UBE3C: variants seen among roughly 807,000 people sequenced by gnomAD.
The protein encoded by UBE3C is ubiquitin-protein ligase E3C.
Under a neutral mutation model 129.4 loss-of-function variants are expected in UBE3C, and 42 were observed. The observed-to-expected ratio is 0.32, with a 90% CI of 0.25 to 0.42. The LOEUF is 0.42. UBE3C is among the 10% of genes least tolerant of loss of function. UBE3C has a pLI of 1.00. For synonymous variants in UBE3C, 510 were observed against 492.4 expected, an observed-to-expected ratio of 1.04 and a Z score of -0.47; for missense variants, 1,049 against 1,319.1, an observed-to-expected ratio of 0.80 and a Z score of 3.17.
At chr7:157,256,394 G>T (rs141891444) in intron 21 of UBE3C, among the ~76,000 whole-genome samples, 3,178 of 151,994 alleles carry the variant, frequency 0.021, 134 homozygotes, top group African/African-American at 0.073. Context: ...CCGCCAGCCC[G>T]GGCCTCCCAA....
intron 13 of UBE3C, among the ~76,000 whole-genome samples, chr7:157,212,166 C>T (rs1479199164): frequency 6.6e-6 from 1 of 151,824 alleles, no homozygotes; most frequent in Non-Finnish European, 1.5e-5. Flanking sequence ...TTTTAAAGAA[C>T]TAACTCATCT....
intron 22 of UBE3C, among the ~76,000 whole-genome samples, chr7:157,261,596 A>G (rs1053665256): frequency 3.3e-5 from 5 of 152,208 alleles, no homozygotes; most frequent in African/African-American, 1.2e-4. Context: ...GTATGCCTGG[A>G]TTTGCCAGGG....
At chr7:157,223,225 A>T (rs1392612807) in intron 15 of UBE3C, 29 bp from the exon 16 acceptor site, 2 of 1,607,404 alleles carry the variant, frequency 1.2e-6, no homozygotes, top group Non-Finnish European at 8.5e-7. Context: ...GTACAAGTGA[A>T]CTAATTAAGG....
chr7:157,201,398 G>A (rs963847076), intron 10 of UBE3C, among the ~76,000 whole-genome samples: 5 of 150,538 alleles, frequency 3.3e-5, no homozygotes, highest in Non-Finnish European at 7.4e-5. Context: ...AATACGATAT[G>A]TAGCAGAGGG....
At chr7:157,257,102 G>T in intron 22 of UBE3C, 58 bp downstream of exon 22, 1 of 1,605,080 alleles carries the variant, frequency 6.2e-7, no homozygotes, top group South Asian at 1.1e-5. Context: ...AAAGGCAGCA[G>T]AACATTCAGT....
At chr7:157,248,655 G>A in intron 19 of UBE3C, 75 bp downstream of exon 19, 1 of 1,489,446 alleles carries the variant, frequency 6.7e-7, no homozygotes, top group East Asian at 2.3e-5. Context: ...AAGTCCATTT[G>A]TGTTACAGCG....
At chr7:157,146,221 T>A (rs960655804) in intron 1 of UBE3C, among the ~76,000 whole-genome samples, 1 of 152,204 alleles carries the variant, frequency 6.6e-6, no homozygotes, top group Non-Finnish European at 1.5e-5. Flanking sequence ...CAAAGATCAG[T>A]TGGCTATATT....
intron 1 of UBE3C, among the ~76,000 whole-genome samples, chr7:157,146,043 T>G (rs920754120): frequency 2.0e-5 from 3 of 152,226 alleles, no homozygotes; most frequent in Non-Finnish European, 4.4e-5. Context: ...TAATTTTGTA[T>G]TTTACATTTA....
chr7:157,175,158 T>TTTTTTAGG (rs1586663618), intron 5 of UBE3C, 124 bp downstream of exon 5: 1 of 591,814 alleles, frequency 1.7e-6, no homozygotes, highest in Admixed American at 4.1e-5. Context: ...TTTTTTTTTT[T>TTTTTTAGG]GAGGTCATGG....
In UBE3C at chr7:157,267,400, C is replaced by T. The variant is rs186021994; in HGVS notation, c.3082-185C>T. Among the ~76,000 whole-genome samples the T allele has an allele frequency of 2.1e-3, 315 of 152,222 alleles. 1 individual carries two copies. The highest frequency in any genetic ancestry group is 3.5e-3 in the Admixed American group (54 of 15,276). ...TGGCGCCATTGCCCTCCAGCCTGGGCGACAGAGCTAGACTCCATCTCAAAG... is the reference window on the plus strand; with the variant it reads ...TGGCGCCATTGCCCTCCAGCCTGGGTGACAGAGCTAGACTCCATCTCAAAG... On this transcript the variant is annotated intron_variant, in intron 22 of 22. Coordinates refer to ENST00000348165, the MANE Select transcript of UBE3C (RefSeq NM_014671.3).
chr7:157,259,938 A>G (rs967252933), intron 22 of UBE3C, among the ~76,000 whole-genome samples: 2 of 152,222 alleles, frequency 1.3e-5, no homozygotes, highest in African/African-American at 2.4e-5. Context: ...GTTGGGACCC[A>G]GTAGAGAGGT....
chr7:157,235,994 G>A (rs1796143113), intron 18 of UBE3C, among the ~76,000 whole-genome samples: 2 of 152,196 alleles, frequency 1.3e-5, no homozygotes, highest in South Asian at 4.1e-4. Flanking sequence ...GGGTCATAAT[G>A]TATTTAAATT....
rs1335419975 is a variant in UBE3C, at chr7:157,183,748, C to T, written c.992-130C>T. Reference sequence around the variant, plus strand: ...TCTAAATATGTTTCCTATTATAACACAGTTAGAATTTTAAAAATAAGATCT... The same window carrying T: ...TCTAAATATGTTTCCTATTATAACATAGTTAGAATTTTAAAAATAAGATCT... On this transcript the variant is annotated intron_variant, in intron 8 of 22. Coordinates refer to ENST00000348165, the MANE Select transcript of UBE3C (RefSeq NM_014671.3). 5 of 1,140,900 alleles carry T rather than the reference C, an allele frequency of 4.4e-6. No individual in the cohort carries two copies. The Admixed American group carries it at 6.9e-5, about 16-fold the overall frequency. 70.7% of individuals were successfully genotyped at this position (1,140,900 alleles called of 1,614,324 possible).
At chr7:157,153,997 G>GC (rs958986205) in intron 1 of UBE3C, among the ~76,000 whole-genome samples, 13 of 151,134 alleles carry the variant, frequency 8.6e-5, no homozygotes, top group Non-Finnish European at 1.3e-4. Flanking sequence ...GCCCTGTCTG[G>GC]GGGGGGAAAA....
In UBE3C at chr7:157,169,153, A is replaced by G; in HGVS notation, c.195+31A>G. 3 of 1,555,602 alleles carry G rather than the reference A, an allele frequency of 1.9e-6. No homozygotes were observed. The South Asian group carries it at 3.4e-5, about 17-fold the overall frequency. ...TTTGTTTTAAAATGAGGAGATTAGTAGGGCATGGGAGAGCTTATTTTAAAT... is the reference window on the plus strand; with the variant it reads ...TTTGTTTTAAAATGAGGAGATTAGTGGGGCATGGGAGAGCTTATTTTAAAT... On this transcript the variant is annotated intron_variant, in intron 3 of 22. Transcript: ENST00000348165.
intron 18 of UBE3C, 108 bp from the exon 19 acceptor site, chr7:157,248,260 A>C: frequency 9.9e-7 from 1 of 1,014,630 alleles, no homozygotes; most frequent in South Asian, 1.6e-5. Flanking sequence ...TGAGGAGAAA[A>C]TACCTGCTCT....
intron 6 of UBE3C, among the ~76,000 whole-genome samples, chr7:157,180,118 C>G (rs544537246): frequency 6.6e-6 from 1 of 152,088 alleles, no homozygotes; most frequent in African/African-American, 2.4e-5. Flanking sequence ...CAGAAACTGC[C>G]GCTTCTAGCA....
At chr7:157,252,804 G>A (rs933449442) in intron 19 of UBE3C, among the ~76,000 whole-genome samples, 7 of 152,230 alleles carry the variant, frequency 4.6e-5, no homozygotes, top group Non-Finnish European at 8.8e-5. Context: ...AAGTTGAAAT[G>A]TCTTTGTTCA....
intron 4 of UBE3C, among the ~76,000 whole-genome samples, chr7:157,174,284 A>G (rs1014356273): frequency 1.3e-5 from 2 of 152,152 alleles, no homozygotes; most frequent in Admixed American, 6.5e-5. Flanking sequence ...CTTATGCCTA[A>G]TATATGAGAA....
Sources: gnomAD v4.1 joint callset for allele counts (sites outside exome capture counted in the v4.1 genomes callset) on GRCh38, gnomAD v4.1.1 for gene constraint, MANE v1.5 for transcripts, NCBI Gene and HGNC (gene_info 2026-07-23, HGNC 2026-07-21) for gene names.